The following CSMD1 variants were observed in gnomAD, a reference collection of about 807,000 sequenced individuals.
CSMD1 encodes the protein CUB and Sushi multiple domains 1, also known as CUB and sushi domain-containing protein 1.
CSMD1 carries 213 observed loss-of-function variants against 417.5 expected under a neutral mutation model. The observed-to-expected ratio is 0.51, with a 90% CI of 0.46 to 0.57. The LOEUF (loss-of-function observed/expected upper bound fraction) is 0.57, where lower values mean the gene tolerates loss of function less well. CSMD1 is among the 20% of genes least tolerant of loss of function. CSMD1 has a pLI of 0.00. For missense variants in CSMD1, 6,923 were observed against 4,529.7 expected (o/e 1.53, Z -15.17); for synonymous variants, 2,862 against 1,736.8 (o/e 1.65, Z -16.11).
intron 6 of CSMD1, among the ~76,000 whole-genome samples, chr8:3,749,168 G>T (rs527772505): frequency 6.6e-6 from 1 of 152,222 alleles, no homozygotes; most frequent in South Asian, 2.1e-4. Flanking sequence ...TGCTTACAAG[G>T]CACTTATTTA....
intron 23 of CSMD1, among the ~76,000 whole-genome samples, chr8:3,309,404 CACA>C (rs1370370753): frequency 2.1e-5 from 3 of 142,920 alleles, no homozygotes; most frequent in Non-Finnish European, 4.6e-5. Flanking sequence ...AGGAAATCCA[CACA>C]ACAACAGAAA....
In CSMD1 at chr8:3,052,599, C is replaced by A. The variant is rs1397538237; in HGVS notation, c.7523G>T (p.Gly2508Val). The part of the protein sequence containing the change: ...PESPGNGSFT[G>V]NEFTLDSKVV... ...TTTACTGTCCAAAGTGAACTCGTTC[C>A]CGGTAAATGAACCGTTTCCTGGGGA... The change falls in exon 50 of 70, where the codon GGG (glycine) becomes GTG (valine). Residue 2508 changes from glycine (G) to valine (V), a missense_variant. Gly to Val is a moderately radical substitution (Grantham distance 109, BLOSUM62 -3). Transcript: ENST00000635120. 1 of 1,611,872 alleles carries A rather than the reference C, an allele frequency of 6.2e-7. No homozygotes were observed. The highest frequency in any genetic ancestry group is 8.5e-7 in the Non-Finnish European group (1 of 1,179,046).
At chr8:4,144,840 C>T (rs1434634601) in intron 3 of CSMD1, among the ~76,000 whole-genome samples, 1 of 150,914 alleles carries the variant, frequency 6.6e-6, no homozygotes, top group African/African-American at 2.5e-5. Flanking sequence ...ATTCACAATG[C>T]AGGGAACCAG....
intron 10 of CSMD1, among the ~76,000 whole-genome samples, chr8:3,530,284 A>G (rs1482292738): frequency 6.6e-6 from 1 of 152,082 alleles, no homozygotes; most frequent in Non-Finnish European, 1.5e-5. Flanking sequence ...TTTTAATGTG[A>G]TGGTTTACAG....
intron 1 of CSMD1, among the ~76,000 whole-genome samples, chr8:4,769,729 A>C (rs1796509551): frequency 6.6e-6 from 1 of 152,162 alleles, no homozygotes. Context: ...TGAAGTCCAA[A>C]CCAGGTAAGT....
intron 3 of CSMD1, among the ~76,000 whole-genome samples, chr8:4,283,786 T>TA (rs34646576): frequency 1.7e-4 from 25 of 151,226 alleles, no homozygotes; most frequent in African/African-American, 5.8e-4. Flanking sequence ...AAAAGGAGAA[T>TA]AAAAAAAAAA....
intron 3 of CSMD1, among the ~76,000 whole-genome samples, chr8:4,254,071 C>T (rs997378184): frequency 6.6e-6 from 1 of 151,870 alleles, no homozygotes; most frequent in African/African-American, 2.4e-5. Context: ...TGCCCACCAC[C>T]ACGCCTGGCT....
chr8:4,358,274 T>G (rs1269874522), intron 3 of CSMD1, among the ~76,000 whole-genome samples: 1 of 152,220 alleles, frequency 6.6e-6, no homozygotes, highest in South Asian at 2.1e-4. Context: ...CCAGTGGGTG[T>G]GGAGCGCGGC....
intron 3 of CSMD1, among the ~76,000 whole-genome samples, chr8:4,107,803 C>A (rs762303504): frequency 7.9e-5 from 12 of 152,200 alleles, no homozygotes; most frequent in Non-Finnish European, 1.2e-4. Flanking sequence ...AACTGACAGG[C>A]AATCTGAGCC....
chr8:3,995,858 C>T (rs952479457), intron 5 of CSMD1, among the ~76,000 whole-genome samples: 14 of 152,156 alleles, frequency 9.2e-5, no homozygotes, highest in Non-Finnish European at 1.8e-4. Context: ...CATGAAGGCA[C>T]ACAGGATCAT....
chr8:4,143,504 AAAG>A (rs957307863), intron 3 of CSMD1, among the ~76,000 whole-genome samples: 1 of 150,852 alleles, frequency 6.6e-6, no homozygotes, highest in African/African-American at 2.5e-5. Context: ...TGGTTAAACT[AAAG>A]AAGAAGTTGA....
At chr8:3,569,557 G>A (rs1460832980) in intron 10 of CSMD1, among the ~76,000 whole-genome samples, 1 of 152,192 alleles carries the variant, frequency 6.6e-6, no homozygotes, top group Non-Finnish European at 1.5e-5. Context: ...CACACAAATT[G>A]AAGTATGCAA....
intron 3 of CSMD1, among the ~76,000 whole-genome samples, chr8:4,075,938 T>A (rs934018180): frequency 1.7e-4 from 26 of 152,116 alleles, no homozygotes; most frequent in African/African-American, 6.3e-4. Context: ...ACTAAGAAAA[T>A]AAATCAGTAC....
intron 2 of CSMD1, among the ~76,000 whole-genome samples, chr8:4,480,652 T>G (rs1234095330): frequency 6.6e-6 from 1 of 152,258 alleles, no homozygotes; most frequent in Admixed American, 6.5e-5. Flanking sequence ...AAAATAGGCT[T>G]GCATTTACTA....
intron 5 of CSMD1, among the ~76,000 whole-genome samples, chr8:3,899,380 T>C (rs113781608): frequency 1.3e-5 from 2 of 152,200 alleles, no homozygotes; most frequent in African/African-American, 2.4e-5. Context: ...AAAGAGTGAC[T>C]GAACATGACC....
chr8:3,808,809 T>C (rs1041268211), intron 5 of CSMD1, among the ~76,000 whole-genome samples: 1 of 152,188 alleles, frequency 6.6e-6, no homozygotes, highest in East Asian at 1.9e-4. Context: ...TCAAGGGGCA[T>C]TTGGCAGTAG....
Position 3,969,703 on chromosome 8 carries a change from A to C in CSMD1, c.818+28200T>G, listed in dbSNP as rs139070401. On this transcript the variant is annotated intron_variant, in intron 5 of 69. Transcript: ENST00000635120. Reference sequence around the variant, plus strand: ...CAGTAGTGGACATGGTTCACACACCAAAGGATGATTTTGACAATAAAATAA... The same window carrying C: ...CAGTAGTGGACATGGTTCACACACCCAAGGATGATTTTGACAATAAAATAA... 4.4e-4 allele frequency among the ~76,000 whole-genome samples: 67 copies of C among 152,354 alleles called. 1 individual carries two copies. The East Asian group carries it at 0.011, about 25-fold the overall frequency.
At chr8:4,300,254 C>G (rs992235952) in intron 3 of CSMD1, among the ~76,000 whole-genome samples, 3 of 152,204 alleles carry the variant, frequency 2.0e-5, no homozygotes, top group South Asian at 2.1e-4. Context: ...AAACACAGAG[C>G]TTTCTGCATC....
intron 3 of CSMD1, among the ~76,000 whole-genome samples, chr8:4,142,854 C>G (rs1452081679): frequency 6.6e-6 from 1 of 151,044 alleles, no homozygotes; most frequent in Non-Finnish European, 1.5e-5. Flanking sequence ...TGTGCTGTTT[C>G]TAATATCATC....
Sources: allele counts gnomAD v4.1 joint callset (sites outside exome capture counted in the v4.1 genomes callset), GRCh38; gene constraint gnomAD v4.1.1; transcripts MANE v1.5; gene names NCBI Gene and HGNC (gene_info 2026-07-23, HGNC 2026-07-21).